Variants in EVC observed in about 807,000 individuals in gnomAD.
EVC encodes the protein evC complex member EVC.
A neutral mutation model predicts 118.9 loss-of-function variants in EVC; 116 were observed. That is an observed-to-expected ratio of 0.98 (90% CI 0.84 to 1.14). The LOEUF is 1.14. Ranked by LOEUF, EVC falls within the 50% of genes most tolerant of loss-of-function variation. The pLI is 0.00. For missense variants in EVC, 1,401 were observed against 1,246.4 expected (o/e 1.12, Z -1.87); for synonymous variants, 619 against 534.7 (o/e 1.16, Z -2.18).
intron 11 of EVC, among the ~76,000 whole-genome samples, chr4:5,759,676 G>A (rs1394690069): frequency 6.6e-6 from 1 of 152,192 alleles, no homozygotes; most frequent in Non-Finnish European, 1.5e-5. Context: ...TACACAACCA[G>A]GCTGACAGCC....
the EVC span, chr4:5,821,681 G>C: frequency 7.3e-7 from 1 of 1,364,762 alleles, no homozygotes; most frequent in African/African-American, 1.4e-5. The surrounding 1 kb of genome is among the most constrained non-coding windows in gnomAD (Gnocchi z 4.4). Flanking sequence ...TAAAACTGTG[G>C]GTTTCAAAAA....
At chr4:5,757,420 C>T (rs886086593) in intron 11 of EVC, among the ~76,000 whole-genome samples, 5 of 152,232 alleles carry the variant, frequency 3.3e-5, no homozygotes, top group African/African-American at 9.6e-5. Flanking sequence ...ATGGGAGCTG[C>T]ACTGGGGTCA....
chr4:5,768,919 G>A lies in EVC; in HGVS notation c.1563+12557G>A, dbSNP rs76685205. Among the ~76,000 whole-genome samples the A allele has an allele frequency of 7.6e-4, 116 of 152,140 alleles. No individual in the cohort carries two copies. The East Asian group carries it at 0.019, about 25-fold the overall frequency. On this transcript the variant is annotated intron_variant, in intron 11 of 20. Coordinates refer to ENST00000264956, the MANE Select transcript of EVC (RefSeq NM_153717.3). ...CATATAGAAAGGTGTGCACAGAACA[G>A]GCTCTCAAGGTACCCTGCCTTGCTG...
chr4:5,716,711 G>C (rs1448439208), intron 1 of EVC, among the ~76,000 whole-genome samples: 1 of 152,162 alleles, frequency 6.6e-6, no homozygotes. Flanking sequence ...TTACCTTCTT[G>C]CTTATCAAGT....
intron 19 of EVC, 59 bp downstream of exon 19, chr4:5,809,670 C>G: frequency 1.4e-6 from 2 of 1,464,922 alleles, no homozygotes; most frequent in Non-Finnish European, 9.5e-7. Flanking sequence ...GATACGGATT[C>G]TAGTTCCACA....
At chr4:5,818,450 A>G (rs998143971), downstream of EVC, among the ~76,000 whole-genome samples, 12 of 152,182 alleles carry the variant, frequency 7.9e-5, no homozygotes, top group Admixed American at 3.3e-4. Context: ...GAAATTGGCC[A>G]TGGCAAGAGA....
In EVC at chr4:5,726,568, C is replaced by CTTTTTT. The variant is rs34483285; in HGVS notation, c.301-2729_301-2724dup. Among the ~76,000 whole-genome samples the CTTTTTT allele has an allele frequency of 4.4e-4, 59 of 134,474 alleles. 1 individual carries two copies. The highest frequency in any genetic ancestry group is 8.8e-4 in the East Asian group (4 of 4,534). The allele number at this position is 134,474 out of a possible 152,430, so 88.2% of individuals were successfully genotyped here. On this transcript the variant is annotated intron_variant, in intron 2 of 20. Transcript: ENST00000264956. Reference sequence around the variant, plus strand: ...CCCACTGATGAGTTTCTTCTCTTTTCTTTTTTTTTTTTTTTATTATACTTT... The same window carrying CTTTTTT: ...CCCACTGATGAGTTTCTTCTCTTTTCTTTTTTTTTTTTTTTTTTTTTATTATACTTT...
chr4:5,745,767 T>C (rs904792098), intron 7 of EVC, among the ~76,000 whole-genome samples: 2 of 152,220 alleles, frequency 1.3e-5, no homozygotes, highest in African/African-American at 4.8e-5. Flanking sequence ...CCTGTTCATA[T>C]ATTATGTATT....
At chr4:5,747,646 G>A (rs1253856485) in intron 7 of EVC, among the ~76,000 whole-genome samples, 1 of 152,200 alleles carries the variant, frequency 6.6e-6, no homozygotes, top group Admixed American at 6.5e-5. Context: ...CTGATAAAAT[G>A]AGGGGGAGGG....
rs1244390887 is a variant in EVC, at chr4:5,783,737, C to G, written c.1749C>G (p.Phe583Leu). Residue 583 changes from phenylalanine (F) to leucine (L), a missense_variant, in exon 12 of 21, where the codon TTC becomes TTG. By Grantham distance (22) the Phe-to-Leu change is conservative (BLOSUM62 0). Coordinates refer to ENST00000264956, the MANE Select transcript of EVC (RefSeq NM_153717.3). ...NRFRRQQWKL[F>L]QELLEQDQQV... is the part of the protein sequence containing the mutation. ...TCCGGAGGCAGCAGTGGAAACTCTT[C>G]CAGGAGCTCCTAGAGCAAGACCAGC... is the stretch of plus-strand genomic sequence containing the variant. 1.2e-6 allele frequency: 2 copies of G among 1,613,296 alleles called. No homozygotes were observed. The highest frequency in any genetic ancestry group is 1.7e-6 in the Non-Finnish European group (2 of 1,179,620).
chr4:5,768,477 T>A (rs1367219805), intron 11 of EVC, among the ~76,000 whole-genome samples: 1 of 152,046 alleles, frequency 6.6e-6, no homozygotes. Context: ...GTAGACCTAA[T>A]AGGCCTTCAT....
In EVC at chr4:5,813,821, C is replaced by A. The variant is rs1317712004; in HGVS notation, c.*2784C>A. 2.0e-5 allele frequency: 3 copies of A among 152,370 alleles called. No individual in the cohort carries two copies. The highest frequency in any genetic ancestry group is 2.0e-4 in the Admixed American group (3 of 15,300). 9.4% of individuals were successfully genotyped at this position (152,370 alleles called of 1,614,324 possible). On this transcript the variant is annotated 3_prime_UTR_variant, in exon 21 of 21. Transcript: ENST00000264956. ...ACGTGTCATTTGCTCGACCCTGGCC[C>A]ACCCTTGCCGCCCAGCTGTTGTGCT...
chr4:5,763,584 T>G (rs1328919461), intron 11 of EVC, among the ~76,000 whole-genome samples: 1 of 127,722 alleles, frequency 7.8e-6, no homozygotes, highest in Non-Finnish European at 1.7e-5. Context: ...CATTGAGCAG[T>G]GGTTTGTAGT....
the EVC span, among the ~76,000 whole-genome samples, chr4:5,827,172 C>T: frequency 3.0e-3 from 451 of 152,336 alleles, 2 homozygotes; most frequent in African/African-American, 0.01. Context: ...GGTCAGATAT[C>T]TGCCCTCACG....
chr4:5,780,787 G>C (rs1735483471), intron 11 of EVC, among the ~76,000 whole-genome samples: 1 of 152,164 alleles, frequency 6.6e-6, no homozygotes. Context: ...GACAGCTCAT[G>C]GACTCAGCCT....
Position 5,798,148 on chromosome 4 carries a change from T to G in EVC, c.2098-438T>G, listed in dbSNP as rs1394383469. ...TTATTTCTACAAATAAAGGCAGTCC[T>G]CAGAGCCCTGTGTGCCCTGCCTCAG... On this transcript the variant is annotated intron_variant, in intron 14 of 20. Transcript: ENST00000264956. The surrounding 1 kb of genome is among the most constrained non-coding windows in gnomAD (Gnocchi z 4.1). Among the ~76,000 whole-genome samples the G allele has an allele frequency of 1.3e-5, 2 of 152,200 alleles. No homozygotes were observed. The highest frequency in any genetic ancestry group is 2.9e-5 in the Non-Finnish European group (2 of 68,018).
Position 5,756,152 on chromosome 4 carries a change from C to T in EVC, c.1465-112C>T. ...AGTTTCCTTGTGTGTAATACAGGTG[C>T]CAACATCCTTCTTTCTAACCTGAGA... On this transcript the variant is annotated intron_variant, in intron 10 of 20. Transcript: ENST00000264956. This position sits in a 1 kb window ranked among gnomAD's most constrained non-coding sequence, Gnocchi z 4.2. 1 of 828,840 alleles carries T rather than the reference C, an allele frequency of 1.2e-6. No individual in the cohort carries two copies. Among genetic ancestry groups the T allele is most frequent in the Non-Finnish European group, 2.0e-6 (1 of 500,590 alleles). 51.3% of individuals were successfully genotyped at this position (828,840 alleles called of 1,614,324 possible).
intron 17 of EVC, among the ~76,000 whole-genome samples, chr4:5,806,173 G>A (rs867637471): frequency 4.5e-4 from 69 of 151,664 alleles, no homozygotes; most frequent in African/African-American, 1.4e-3. Flanking sequence ...TCCGCCTCCC[G>A]GGTTCAAGCG....
chr4:5,737,552 G>C lies in EVC; in HGVS notation c.702+4117G>C, dbSNP rs1053307382. 8.5e-5 allele frequency among the ~76,000 whole-genome samples: 13 copies of C among 152,234 alleles called. No individual in the cohort carries two copies. Among genetic ancestry groups the C allele is most frequent in the African/African-American group, 3.1e-4 (13 of 41,466 alleles). On this transcript the variant is annotated intron_variant, in intron 5 of 20. Coordinates refer to ENST00000264956, the MANE Select transcript of EVC (RefSeq NM_153717.3). The surrounding 1 kb of genome is among the most constrained non-coding windows in gnomAD (Gnocchi z 5.0). ...ACTCTCTCGCTAGGGGCTAATGCGG[G>C]AGATGACTTTAAGTTGAAGCCAGTG...
Sources: gnomAD v4.1 joint callset for allele counts (sites outside exome capture counted in the v4.1 genomes callset) on GRCh38, gnomAD v4.1.1 for gene constraint, Gnocchi (gnomAD v3.1) non-coding constraint, MANE v1.5 for transcripts, NCBI Gene and HGNC (gene_info 2026-07-23, HGNC 2026-07-21) for gene names.